The following TRPC1 variants were observed in gnomAD, a reference collection of about 807,000 sequenced individuals.
TRPC1 encodes the protein transient receptor potential cation channel subfamily C member 1.
A neutral mutation model predicts 88.2 loss-of-function variants in TRPC1; 42 were observed. That is an observed-to-expected ratio of 0.48 (90% CI 0.37 to 0.62). The LOEUF is 0.62. TRPC1 is among the 20% of genes least tolerant of loss of function. TRPC1 has a pLI of 0.00. For synonymous variants in TRPC1, 288 were observed against 331.8 expected (o/e 0.87, Z 1.43); for missense variants, 699 against 957.3 (o/e 0.73, Z 3.56).
At chr3:142,774,168 A>G (rs962356142) in intron 4 of TRPC1, among the ~76,000 whole-genome samples, 1 of 152,134 alleles carries the variant, frequency 6.6e-6, no homozygotes, top group Non-Finnish European at 1.5e-5. Flanking sequence ...CTGCTAATCA[A>G]TCTGTGGGTT....
At chr3:142,791,245 A>G (rs1936287083) in intron 8 of TRPC1, 87 bp downstream of exon 8, 4 of 1,202,556 alleles carry the variant, frequency 3.3e-6, no homozygotes, top group African/African-American at 1.5e-5. Flanking sequence ...TCAGAGTTAC[A>G]TTGAGCCAGA....
intron 1 of TRPC1, among the ~76,000 whole-genome samples, chr3:142,728,993 A>G (rs1933792975): frequency 6.6e-6 from 1 of 152,236 alleles, no homozygotes; most frequent in Middle Eastern, 3.2e-3. Context: ...TGTAGGCAGC[A>G]TTCTATAAAC....
Position 142,805,926 on chromosome 3 carries a change from G to C in TRPC1, c.2155-82G>C. The C allele has an allele frequency of 3.3e-6, 4 of 1,217,430 alleles. No individual in the cohort carries two copies. In the South Asian group the frequency reaches 4.4e-5, roughly 13 times the overall value. 75.4% of individuals were successfully genotyped at this position (1,217,430 alleles called of 1,614,324 possible). ...TAATAAAGCATTTAAAGATGTGTTT[G>C]TGTCTGTGAATATATTTTTGAACTC... On this transcript the variant is annotated intron_variant, in intron 12 of 12. Coordinates refer to ENST00000476941, the MANE Select transcript of TRPC1 (RefSeq NM_001251845.2).
At chr3:142,725,962 G>A (rs572403982) in intron 1 of TRPC1, among the ~76,000 whole-genome samples, 9 of 152,202 alleles carry the variant, frequency 5.9e-5, no homozygotes, top group East Asian at 1.9e-4. Context: ...TATTATGAAA[G>A]CAATATTAAT....
At chr3:142,762,958 T>C (rs1485009343) in intron 4 of TRPC1, among the ~76,000 whole-genome samples, 2 of 152,214 alleles carry the variant, frequency 1.3e-5, no homozygotes, top group Non-Finnish European at 2.9e-5. Flanking sequence ...TGTTACTTAA[T>C]TTCCATGTGT....
At chr3:142,803,951 A>T in intron 10 of TRPC1, 26 bp from the exon 11 acceptor site, 2 of 1,600,436 alleles carry the variant, frequency 1.2e-6, no homozygotes, top group South Asian at 2.2e-5. Flanking sequence ...ATTGCCTTTT[A>T]AACAGAAATG....
chr3:142,753,657 C>G (rs918737901), intron 4 of TRPC1, among the ~76,000 whole-genome samples: 1 of 145,290 alleles, frequency 6.9e-6, no homozygotes, highest in African/African-American at 2.6e-5. Context: ...CCCAGCTACT[C>G]AGGAGGCTGA....
At chr3:142,783,000 TGTTAGAATC>T (rs1936012280) in intron 6 of TRPC1, among the ~76,000 whole-genome samples, 1 of 152,208 alleles carries the variant, frequency 6.6e-6, no homozygotes, top group Non-Finnish European at 1.5e-5. Context: ...GCATCACCTC[TGTTAGAATC>T]TACTAGTTAA....
intron 1 of TRPC1, among the ~76,000 whole-genome samples, chr3:142,734,755 T>C (rs375522998): frequency 4.6e-5 from 7 of 151,550 alleles, no homozygotes; most frequent in African/African-American, 1.7e-4. Flanking sequence ...CTGGGCAACA[T>C]AGCGAGACCT....
chr3:142,791,024 A>G lies in TRPC1; in HGVS notation c.1303A>G (p.Ile435Val). The stretch of plus-strand genomic sequence containing the variant: ...TTTTTTCTTCCTTTTCTCAGGGATG[A>G]TTTGGTCAGACATTAAAAGACTCTG... ...YLLILWIIGM[I>V]WSDIKRLWYE... The change falls in exon 8 of 13, where the codon ATT becomes GTT. Residue 435 changes from isoleucine (I) to valine (V), a missense_variant. Ile to Val is a conservative substitution (Grantham distance 29). Around this residue, in one of 4 missense-constraint regions of TRPC1, gnomAD observed 426 missense variants for 641.3 expected, o/e 0.66. Transcript: ENST00000476941. 1 of 1,586,656 alleles carries G rather than the reference A, an allele frequency of 6.3e-7. No individual in the cohort carries two copies. The highest frequency in any genetic ancestry group is 8.5e-7 in the Non-Finnish European group (1 of 1,169,908).
At position 142,724,848 on chromosome 3, in the gene TRPC1, C is replaced by T. The variant is rs1933605283; in HGVS notation, c.172+117C>T. On this transcript the variant is annotated intron_variant, in intron 1 of 12. Transcript: ENST00000476941. The surrounding 1 kb of genome is among the most constrained non-coding windows in gnomAD (Gnocchi z 5.6). ...CTGTCTCAGGCGCCGAGTGTCTTCCCGCCTCGCCTGCTGCCTCAGGCGGTC... is the reference window on the plus strand; with the variant it reads ...CTGTCTCAGGCGCCGAGTGTCTTCCTGCCTCGCCTGCTGCCTCAGGCGGTC... 8 of 1,231,528 alleles carry T rather than the reference C, an allele frequency of 6.5e-6. No homozygotes were observed. Among genetic ancestry groups the T allele is most frequent in the East Asian group, 2.9e-5 (1 of 34,604 alleles). 76.3% of individuals were successfully genotyped at this position (1,231,528 alleles called of 1,614,324 possible).
intron 1 of TRPC1, among the ~76,000 whole-genome samples, chr3:142,726,021 T>C (rs968941489): frequency 6.6e-6 from 1 of 152,174 alleles, no homozygotes; most frequent in African/African-American, 2.4e-5. Context: ...GTCTTTGAGA[T>C]GTAAAGAAAC....
chr3:142,779,428 C>T (rs147435960), intron 5 of TRPC1, among the ~76,000 whole-genome samples: 91 of 152,162 alleles, frequency 6.0e-4, no homozygotes, highest in African/African-American at 1.9e-3. Flanking sequence ...CTTTGAATCT[C>T]GTAGTCCATC....
chr3:142,761,751 C>G (rs1458819570), intron 4 of TRPC1, among the ~76,000 whole-genome samples: 1 of 152,068 alleles, frequency 6.6e-6, no homozygotes, highest in African/African-American at 2.4e-5. Context: ...GATCTTGTTA[C>G]TTATGATTGG....
chr3:142,773,091 T>A (rs1015198148), intron 4 of TRPC1, among the ~76,000 whole-genome samples: 2 of 152,218 alleles, frequency 1.3e-5, no homozygotes, highest in African/African-American at 4.8e-5. Context: ...AAGTTATATT[T>A]TGATGTACTG....
chr3:142,770,520 A>G (rs1935540774), intron 4 of TRPC1, among the ~76,000 whole-genome samples: 1 of 152,214 alleles, frequency 6.6e-6, no homozygotes. Context: ...TGCTGTTTGC[A>G]GTATACATCT....
At chr3:142,773,821 T>C (rs971945200) in intron 4 of TRPC1, among the ~76,000 whole-genome samples, 51 of 150,846 alleles carry the variant, frequency 3.4e-4, no homozygotes, top group African/African-American at 1.2e-3. Flanking sequence ...CCCATAGTGG[T>C]AAACCTCTAA....
rs1935761907 is a variant in TRPC1, at chr3:142,776,171, T to G, written c.633-1461T>G. 6.6e-6 allele frequency among the ~76,000 whole-genome samples: 1 copy of G among 152,184 alleles called. No individual in the cohort carries two copies. On this transcript the variant is annotated intron_variant, in intron 4 of 12. Transcript: ENST00000476941. This position sits in a 1 kb window ranked among gnomAD's most constrained non-coding sequence, Gnocchi z 4.1. ...CACTTTTTAAAAAGCAAGCTGTTCCTTTATTATGTCTGATTATGTTCGTGT... is the reference window on the plus strand; with the variant it reads ...CACTTTTTAAAAAGCAAGCTGTTCCGTTATTATGTCTGATTATGTTCGTGT...
chr3:142,759,546 A>G (rs1315064341), intron 4 of TRPC1, among the ~76,000 whole-genome samples: 2 of 152,056 alleles, frequency 1.3e-5, no homozygotes, highest in Non-Finnish European at 2.9e-5. Context: ...AAATTTGTTT[A>G]AGTTCTTTGT....
Sources: allele counts gnomAD v4.1 joint callset (sites outside exome capture counted in the v4.1 genomes callset), GRCh38; gene constraint gnomAD v4.1.1; regional missense constraint gnomAD v4.1.1; non-coding constraint Gnocchi (gnomAD v3.1); transcripts MANE v1.5; gene names NCBI Gene and HGNC (gene_info 2026-07-23, HGNC 2026-07-21).